GYS1: variants seen among roughly 807,000 people sequenced by gnomAD.
The protein encoded by GYS1 is glycogen [starch] synthase, muscle.
GYS1 carries 60 observed loss-of-function variants against 89.1 expected under a neutral mutation model. The observed-to-expected ratio is 0.67, with a 90% CI of 0.55 to 0.84. The LOEUF (loss-of-function observed/expected upper bound fraction) is 0.84. Ranked by LOEUF, GYS1 falls within the 40% of genes least tolerant of loss-of-function variation. GYS1 has a pLI of 0.00. For synonymous variants in GYS1, 366 were observed against 401.7 expected (o/e 0.91, Z 1.06); for missense variants, 888 against 1,003.1 (o/e 0.89, Z 1.55).
intron 1 of GYS1, among the ~76,000 whole-genome samples, chr19:48,992,288 G>C (rs1041724003): frequency 3.3e-5 from 5 of 152,064 alleles, no homozygotes; most frequent in Non-Finnish European, 7.4e-5. Flanking sequence ...CCTTCTCCAA[G>C]GCCAGAACCT....
chr19:48,990,577 C>T (rs777286015), intron 2 of GYS1, among the ~76,000 whole-genome samples: 27 of 152,264 alleles, frequency 1.8e-4, no homozygotes, highest in Admixed American at 1.2e-3. Flanking sequence ...TGACAATCAC[C>T]GCCCACACAA....
intron 3 of GYS1, among the ~76,000 whole-genome samples, chr19:48,986,449 T>C (rs2038844633): frequency 6.6e-6 from 1 of 151,978 alleles, no homozygotes; most frequent in South Asian, 2.1e-4. Context: ...GAGCAGCCAG[T>C]TCCTCAATTA....
At chr19:48,973,073 G>C (rs2038589975) in intron 12 of GYS1, among the ~76,000 whole-genome samples, 1 of 152,164 alleles carries the variant, frequency 6.6e-6, no homozygotes, top group Non-Finnish European at 1.5e-5. Flanking sequence ...CACGTGTCGA[G>C]GGAGGGAAAT....
At chr19:48,985,440 G>A (rs773707494) in intron 5 of GYS1, 21 bp downstream of exon 5, 22 of 1,612,010 alleles carry the variant, frequency 1.4e-5, no homozygotes, top group South Asian at 1.1e-4. Context: ...TCACGTCTGG[G>A]GACTTCAGCC....
Position 48,985,856 on chromosome 19 carries a change from CA to C in GYS1, c.671del (p.Leu224ArgfsTer54), listed in dbSNP as rs2038834463. Reference protein sequence around the residue: ...CAGAVDFYNNLENFNVDKEAG... With the variant: ...CAGAVDFYNNXENFNVDKEAG... ...TGCCACGGTCCCAGCTCACGTTCTC[CA>C]GGTTGTTGTAGAAGTCCACGGCACC... On this transcript the variant is annotated frameshift_variant, in exon 4 of 16. Transcript: ENST00000323798. LOFTEE classifies it high-confidence loss of function. 1.2e-6 allele frequency: 2 copies of C among 1,613,346 alleles called. No homozygotes were observed. Among genetic ancestry groups the C allele is most frequent in the Non-Finnish European group, 1.7e-6 (2 of 1,180,022 alleles).
chr19:48,990,734 C>T (rs1196475793), intron 2 of GYS1, among the ~76,000 whole-genome samples: 1 of 152,222 alleles, frequency 6.6e-6, no homozygotes, highest in African/African-American at 2.4e-5. Context: ...ACTTGAACTT[C>T]AAGCTCCAGA....
rs2038827897 is a variant in GYS1, at chr19:48,985,453, GCC to G, written c.823+6_823+7del. The stretch of plus-strand genomic sequence containing the variant: ...ATTCACGTCTGGGGACTTCAGCCCA[GCC>G]CCTACCTGGTTTCCTCTTGAGCAAG... On this transcript the variant is annotated splice_donor_region_variant and intron_variant, in intron 5 of 15. Transcript: ENST00000323798. The G allele has an allele frequency of 1.2e-6, 2 of 1,612,914 alleles. No individual in the cohort carries two copies. Among genetic ancestry groups the G allele is most frequent in the African/African-American group, 2.7e-5 (2 of 74,934 alleles).
intron 8 of GYS1, among the ~76,000 whole-genome samples, chr19:48,979,339 T>TC (rs2038713629): frequency 1.5e-4 from 2 of 12,906 alleles, no homozygotes; most frequent in African/African-American, 6.5e-4. Flanking sequence ...TTCTTTTCTT[T>TC]TTTTTTTTTT....
intron 10 of GYS1, among the ~76,000 whole-genome samples, chr19:48,977,146 C>T (rs1251605578): frequency 1.3e-5 from 2 of 151,850 alleles, no homozygotes; most frequent in African/African-American, 4.8e-5. Flanking sequence ...GGCTCTGTCC[C>T]CCAGGCTGGT....
rs1273701394 is a variant in GYS1 at position 48,968,519 on chromosome 19, G to T, written c.*769C>A. 1 of 454,468 alleles carries T rather than the reference G, an allele frequency of 2.2e-6. No homozygotes were observed. Among genetic ancestry groups the T allele is most frequent in the African/African-American group, 2.0e-5 (1 of 50,014 alleles). The allele number at this position is 454,468 out of a possible 1,614,324, so 28.2% of individuals were successfully genotyped here. On this transcript the variant is annotated 3_prime_UTR_variant, in exon 16 of 16. Transcript: ENST00000323798. The stretch of plus-strand genomic sequence containing the variant: ...TCTGCAGGCGGATTCCCTGGAGGGA[G>T]ATCTCAGATTTAGAAAGGAAGAGTA...
At chr19:48,973,503 TA>T (rs1407699853) in intron 12 of GYS1, among the ~76,000 whole-genome samples, 23 of 141,688 alleles carry the variant, frequency 1.6e-4, no homozygotes, top group African/African-American at 5.9e-4. Flanking sequence ...AATTTAGCTT[TA>T]ATTTTTTTTT....
At chr19:48,990,011 G>GGGT (rs1555800166) in intron 2 of GYS1, among the ~76,000 whole-genome samples, 3 of 150,670 alleles carry the variant, frequency 2.0e-5, no homozygotes, top group South Asian at 2.1e-4. Flanking sequence ...GGGGGGGGGG[G>GGGT]GGCTATTCTT....
At position 48,969,267 on chromosome 19, in the gene GYS1, G is replaced by T; in HGVS notation, c.*21C>A. 1 of 1,529,164 alleles carries T rather than the reference G, an allele frequency of 6.5e-7. No individual in the cohort carries two copies. Among genetic ancestry groups the T allele is most frequent in the Non-Finnish European group, 8.8e-7 (1 of 1,142,342 alleles). The allele number at this position is 1,529,164 out of a possible 1,614,324, so 94.7% of individuals were successfully genotyped here. Reference sequence around the variant, plus strand: ...TCTGGAGCAGAGAGGCAGGACAGGCGGGGAGTGTGGTGGGGCGGACTTAGT... The same window carrying T: ...TCTGGAGCAGAGAGGCAGGACAGGCTGGGAGTGTGGTGGGGCGGACTTAGT... On this transcript the variant is annotated 3_prime_UTR_variant, in exon 16 of 16. Coordinates refer to ENST00000323798, the MANE Select transcript of GYS1 (RefSeq NM_002103.5).
At chr19:48,989,334 T>C (rs1181686764) in intron 2 of GYS1, among the ~76,000 whole-genome samples, 1 of 151,672 alleles carries the variant, frequency 6.6e-6, no homozygotes, top group Non-Finnish European at 1.5e-5. Context: ...TACAAAAAAT[T>C]AGCCGGGCGT....
chr19:48,970,191 C>A lies in GYS1; in HGVS notation c.1810-336G>T, dbSNP rs1413836492. 6 of 467,574 alleles carry A rather than the reference C, an allele frequency of 1.3e-5. No individual in the cohort carries two copies. In the Admixed American group the frequency reaches 1.8e-4, roughly 14 times the overall value. 29.0% of individuals were successfully genotyped at this position (467,574 alleles called of 1,614,324 possible). A position where few individuals can be genotyped will look rare whatever the true frequency, so the allele number is the denominator to read the frequency against. ...TAGGATGGAGTGCAGTGGGTTTGAACAAGGCTCACTGCAGCCTCAACCTCC... is the reference window on the plus strand; with the variant it reads ...TAGGATGGAGTGCAGTGGGTTTGAAAAAGGCTCACTGCAGCCTCAACCTCC... On this transcript the variant is annotated intron_variant, in intron 14 of 15. Coordinates refer to ENST00000323798, the MANE Select transcript of GYS1 (RefSeq NM_002103.5).
intron 2 of GYS1, among the ~76,000 whole-genome samples, chr19:48,988,802 G>A (rs2122530193): frequency 6.6e-6 from 1 of 152,070 alleles, no homozygotes. Flanking sequence ...TTTTTGTAAG[G>A]ACAGGGTTTC....
At chr19:48,970,231 C>T (rs1266103701) in intron 14 of GYS1, 2 of 464,506 alleles carry the variant, frequency 4.3e-6, no homozygotes, top group African/African-American at 3.9e-5. Flanking sequence ...CTCAAGCGAC[C>T]CTACCACCTC....
intron 2 of GYS1, among the ~76,000 whole-genome samples, chr19:48,989,294 C>A (rs1393970940): frequency 6.6e-6 from 1 of 151,418 alleles, no homozygotes; most frequent in Non-Finnish European, 1.5e-5. Context: ...CCAGCCTGGG[C>A]AACATGGTGA....
chr19:48,987,949 C>T (rs1478135665), intron 2 of GYS1, among the ~76,000 whole-genome samples: 2 of 152,116 alleles, frequency 1.3e-5, no homozygotes, highest in African/African-American at 2.4e-5. Context: ...TACAGCGGCC[C>T]GCCACCACGC....
Sources: allele counts gnomAD v4.1 joint callset (sites outside exome capture counted in the v4.1 genomes callset), GRCh38; gene constraint gnomAD v4.1.1; transcripts MANE v1.5; gene names NCBI Gene and HGNC (gene_info 2026-07-23, HGNC 2026-07-21).